Variants in FUT8 observed in about 807,000 individuals in gnomAD.
The protein encoded by FUT8 is alpha-(1,6)-fucosyltransferase.
In FUT8, 29 loss-of-function variants were observed where a neutral mutation model predicts 71.3. That is an observed-to-expected ratio of 0.41 (90% CI 0.30 to 0.55). FUT8 has a LOEUF of 0.55. Among genes scored for constraint, FUT8 ranks in the 20% least tolerant of loss-of-function variants. The pLI is 0.34. For missense variants in FUT8, 544 were observed against 702.1 expected (o/e 0.77, Z 2.55); for synonymous variants, 254 against 239.3 (o/e 1.06, Z -0.57).
At chr14:65,685,613 A>G (rs1893250426) in intron 7 of FUT8, among the ~76,000 whole-genome samples, 1 of 152,222 alleles carries the variant, frequency 6.6e-6, no homozygotes, top group Non-Finnish European at 1.5e-5. Context: ...AGCAGCCCTG[A>G]GGGCTGCTGG....
chr14:65,427,965 G>C (rs1036061608), intron 1 of FUT8, among the ~76,000 whole-genome samples: 1 of 152,034 alleles, frequency 6.6e-6, no homozygotes, highest in Admixed American at 6.5e-5. Context: ...CTTTCATTTA[G>C]CATGATTCTG....
chr14:65,631,505 C>T (rs1483238684), intron 6 of FUT8, among the ~76,000 whole-genome samples: 1 of 152,042 alleles, frequency 6.6e-6, no homozygotes, highest in Non-Finnish European at 1.5e-5. Flanking sequence ...TAATTTAAAG[C>T]TACATTGGCT....
intron 10 of FUT8, 110 bp from the exon 11 acceptor site, chr14:65,741,983 T>A (rs1285854990): frequency 1.3e-6 from 1 of 791,840 alleles, no homozygotes; most frequent in East Asian, 2.5e-5. Flanking sequence ...TAGAATCCAC[T>A]ACTTTTCAAC....
At chr14:65,602,403 A>ACCCTAAGTAATAGCCTT in intron 3 of FUT8, among the ~76,000 whole-genome samples, 1 of 122,776 alleles carries the variant, frequency 8.1e-6, no homozygotes, top group Non-Finnish European at 1.7e-5. Flanking sequence ...ACACACACAC[A>ACCCTAAGTAATAGCCTT]GTTTCTTTAT....
At chr14:65,420,175 T>C (rs1320527932) in intron 1 of FUT8, among the ~76,000 whole-genome samples, 1 of 152,228 alleles carries the variant, frequency 6.6e-6, no homozygotes, top group Non-Finnish European at 1.5e-5. Flanking sequence ...GTTTAGGTTT[T>C]AATGGCATAA....
Position 65,616,050 on chromosome 14 carries a change from G to A in FUT8, c.276G>A (p.Lys92=), listed in dbSNP as rs1254920086. The change falls in exon 4 of 11, where the codon AAG becomes AAA. Residue 92 remains lysine (K), a synonymous_variant. Coordinates refer to ENST00000673929, the MANE Select transcript of FUT8 (RefSeq NM_001371533.1). ...GCGTTTTAGAAGAGCAGCTTGTTAA[G>A]GCCAAAGAACAGATTGAAAATTACA... The part of the protein sequence containing the change: ...RVRVLEEQLV[K]AKEQIENYKK... 3 of 1,613,990 alleles carry A rather than the reference G, an allele frequency of 1.9e-6. No homozygotes were observed. The highest frequency in any genetic ancestry group is 4.5e-5 in the East Asian group (2 of 44,856).
chr14:65,742,490 A>G lies in FUT8; in HGVS notation c.*80A>G. The G allele has an allele frequency of 1.7e-6, 2 of 1,209,678 alleles. No individual in the cohort carries two copies. Among genetic ancestry groups the G allele is most frequent in the East Asian group, 2.5e-5 (1 of 40,506 alleles). The allele number at this position is 1,209,678 out of a possible 1,614,324, so 74.9% of individuals were successfully genotyped here. A position where few individuals can be genotyped will look rare whatever the true frequency, so the allele number is the denominator to read the frequency against. On this transcript the variant is annotated 3_prime_UTR_variant, in exon 11 of 11. Coordinates refer to ENST00000673929, the MANE Select transcript of FUT8 (RefSeq NM_001371533.1). Reference sequence around the variant, plus strand: ...ACCATTTCAGCCAAACTGTAGATGAAGAGGGCTCTGATCTAACAAAATAAG... The same window carrying G: ...ACCATTTCAGCCAAACTGTAGATGAGGAGGGCTCTGATCTAACAAAATAAG...
At chr14:65,618,010 CATATATATATATATATATATAT>C (rs149450437) in intron 5 of FUT8, among the ~76,000 whole-genome samples, 4,401 of 87,084 alleles carry the variant, frequency 0.051, 214 homozygotes, top group Admixed American at 0.084. Context: ...AAAATTAATT[CATATATATATATATATATATAT>C]ATATATATAT....
intron 2 of FUT8, among the ~76,000 whole-genome samples, chr14:65,525,361 A>G (rs373061991): frequency 4.5e-4 from 68 of 152,254 alleles, no homozygotes; most frequent in African/African-American, 1.6e-3. Flanking sequence ...AGAGGTGTTT[A>G]TAGTATTCTC....
chr14:65,568,161 AAG>A (rs1886294900), intron 3 of FUT8, among the ~76,000 whole-genome samples: 1 of 151,620 alleles, frequency 6.6e-6, no homozygotes, highest in Non-Finnish European at 1.5e-5. Context: ...GTGTTTTTCA[AAG>A]CATGTGTTCA....
chr14:65,533,420 C>G (rs997820697), intron 2 of FUT8, among the ~76,000 whole-genome samples: 43 of 152,032 alleles, frequency 2.8e-4, no homozygotes, highest in Admixed American at 2.4e-3. Flanking sequence ...GTGGCAGTTG[C>G]GAATGGGACT....
chr14:65,624,168 A>G (rs186794650), intron 5 of FUT8, among the ~76,000 whole-genome samples: 2 of 152,360 alleles, frequency 1.3e-5, no homozygotes, highest in African/African-American at 4.8e-5. Flanking sequence ...CATGGTCTCC[A>G]ACAGAGAGGC....
chr14:65,401,854 C>T, the FUT8 span, among the ~76,000 whole-genome samples: 1 of 148,336 alleles, frequency 6.7e-6, no homozygotes, highest in Non-Finnish European at 1.5e-5. Flanking sequence ...GATTGTGCCA[C>T]TGCACTCCCT....
chr14:65,411,452 C>T (rs1025207032), upstream of FUT8: 1 of 153,450 alleles, frequency 6.5e-6, no homozygotes, highest in Non-Finnish European at 1.4e-5. Flanking sequence ...TTTGAATCAG[C>T]AGTACCTTAT....
intron 5 of FUT8, among the ~76,000 whole-genome samples, chr14:65,623,373 A>T (rs1185492289): frequency 1.3e-5 from 2 of 152,106 alleles, no homozygotes; most frequent in Non-Finnish European, 2.9e-5. Flanking sequence ...CAATTTTTGA[A>T]ATAGAGGTTT....
chr14:65,391,557 T>C, the FUT8 span, among the ~76,000 whole-genome samples: 2 of 152,184 alleles, frequency 1.3e-5, no homozygotes, highest in East Asian at 1.9e-4. Context: ...GGTTTCACCA[T>C]ATTGGCCAAG....
intron 6 of FUT8, among the ~76,000 whole-genome samples, chr14:65,633,748 C>T (rs1399127692): frequency 5.9e-5 from 9 of 151,846 alleles, no homozygotes; most frequent in African/African-American, 7.2e-5. Flanking sequence ...GCCAGGCAGC[C>T]GCCCCGTCTG....
In FUT8 at chr14:65,743,365, CTGTT is replaced by C. The variant is rs897144576; in HGVS notation, c.*958_*961del. 59 of 151,954 alleles carry C rather than the reference CTGTT, an allele frequency of 3.9e-4. No homozygotes were observed. The highest frequency in any genetic ancestry group is 9.2e-4 in the African/African-American group (38 of 41,502). 9.4% of individuals were successfully genotyped at this position (151,954 alleles called of 1,614,324 possible). On this transcript the variant is annotated 3_prime_UTR_variant, in exon 11 of 11. Coordinates refer to ENST00000673929, the MANE Select transcript of FUT8 (RefSeq NM_001371533.1). ...ACACATTACAAAATTGCTAAGAACA[CTGTT>C]TGGGAGCTTTCATTCTCATATTTTG... is the stretch of plus-strand genomic sequence containing the variant.
intron 3 of FUT8, among the ~76,000 whole-genome samples, chr14:65,599,163 A>G (rs1303388796): frequency 6.6e-6 from 1 of 152,234 alleles, no homozygotes; most frequent in Admixed American, 6.5e-5. Flanking sequence ...CTTATAAATG[A>G]GAAATAAGCA....
Sources: allele counts gnomAD v4.1 joint callset (sites outside exome capture counted in the v4.1 genomes callset), GRCh38; gene constraint gnomAD v4.1.1; transcripts MANE v1.5; gene names NCBI Gene and HGNC (gene_info 2026-07-23, HGNC 2026-07-21).